The following UBAC2 variants were observed in gnomAD, a reference collection of about 807,000 sequenced individuals.
UBAC2 encodes the protein UBA domain containing 2.
In UBAC2, 26 loss-of-function variants were observed where a neutral mutation model predicts 44.0. The ratio of observed to expected loss-of-function variants is 0.59; its 90% CI spans 0.43 to 0.82. UBAC2 has a LOEUF of 0.82. Among genes scored for constraint, UBAC2 ranks in the 40% least tolerant of loss-of-function variants. UBAC2 has a pLI of 0.00. For synonymous variants in UBAC2, 155 were observed against 154.3 expected (o/e 1.00, Z -0.04); for missense variants, 329 against 419.4 (o/e 0.78, Z 1.88).
intron 2 of UBAC2, among the ~76,000 whole-genome samples, chr13:99,241,029 G>A (rs2043292903): frequency 6.6e-6 from 1 of 152,092 alleles, no homozygotes; most frequent in Admixed American, 6.5e-5. Flanking sequence ...GGAGGCCAAC[G>A]TTTGTGGATG....
At chr13:99,226,413 T>C (rs770585282) in intron 1 of UBAC2, among the ~76,000 whole-genome samples, 8 of 152,230 alleles carry the variant, frequency 5.3e-5, no homozygotes, top group Non-Finnish European at 8.8e-5. Flanking sequence ...TCCCTCTTCA[T>C]CTACACCTCC....
intron 8 of UBAC2, among the ~76,000 whole-genome samples, chr13:99,376,095 G>A (rs967901097): frequency 2.0e-5 from 3 of 151,454 alleles, no homozygotes; most frequent in Non-Finnish European, 2.9e-5. Flanking sequence ...TAAAAAATAA[G>A]GAAAGAGAAA....
intron 4 of UBAC2, chr13:99,254,912 G>T: frequency 6.2e-7 from 1 of 1,613,874 alleles, no homozygotes; most frequent in South Asian, 1.1e-5. Flanking sequence ...CTTAGTGACC[G>T]TAGACTACCA....
At chr13:99,249,047 CAG>C (rs1491517290) in intron 4 of UBAC2, among the ~76,000 whole-genome samples, 6 of 152,180 alleles carry the variant, frequency 3.9e-5, no homozygotes, top group African/African-American at 1.4e-4. Context: ...CTTTCAGATT[CAG>C]GGGGTACATG....
At chr13:99,379,200 G>A (rs1203960166) in intron 8 of UBAC2, among the ~76,000 whole-genome samples, 3 of 152,348 alleles carry the variant, frequency 2.0e-5, no homozygotes, top group East Asian at 3.9e-4. Flanking sequence ...TTACGCTTAT[G>A]CATGCCTGCT....
At chr13:99,370,201 C>T (rs1282654376) in intron 8 of UBAC2, among the ~76,000 whole-genome samples, 4 of 152,258 alleles carry the variant, frequency 2.6e-5, no homozygotes, top group East Asian at 1.9e-4. Context: ...TGAAGGAAAA[C>T]GGCACCATGA....
intron 4 of UBAC2, among the ~76,000 whole-genome samples, chr13:99,252,781 C>T (rs1294043869): frequency 6.6e-6 from 1 of 152,086 alleles, no homozygotes; most frequent in Non-Finnish European, 1.5e-5. Flanking sequence ...AAGTGATCTA[C>T]AATTAAATTA....
chr13:99,288,757 TCTGTTGCTGCCTAA>T (rs1467517446), intron 4 of UBAC2, among the ~76,000 whole-genome samples: 2 of 152,250 alleles, frequency 1.3e-5, no homozygotes, highest in Non-Finnish European at 2.9e-5. Context: ...GTATTAGTTA[TCTGTTGCTGCCTAA>T]CAAATTATGA....
At chr13:99,323,783 C>T (rs774859035) in intron 6 of UBAC2, among the ~76,000 whole-genome samples, 2 of 152,152 alleles carry the variant, frequency 1.3e-5, no homozygotes, top group Non-Finnish European at 2.9e-5. Flanking sequence ...GTGGCAATTG[C>T]AACTCAGGCC....
chr13:99,208,948 C>G (rs891266598), intron 1 of UBAC2, among the ~76,000 whole-genome samples: 2 of 152,238 alleles, frequency 1.3e-5, no homozygotes, highest in East Asian at 1.9e-4. Context: ...CTCCTCAGCA[C>G]CTAGGAACTT....
intron 7 of UBAC2, among the ~76,000 whole-genome samples, chr13:99,345,610 A>G (rs2044963413): frequency 6.6e-6 from 1 of 152,114 alleles, no homozygotes; most frequent in Admixed American, 6.6e-5. Flanking sequence ...GGCTCCCATG[A>G]GTCCCTCAAG....
intron 6 of UBAC2, among the ~76,000 whole-genome samples, chr13:99,323,915 G>A (rs1360434736): frequency 1.3e-5 from 2 of 152,150 alleles, no homozygotes; most frequent in African/African-American, 4.8e-5. Flanking sequence ...AATAAAGCTG[G>A]CAGATAGAAT....
intron 1 of UBAC2, among the ~76,000 whole-genome samples, chr13:99,232,791 A>T (rs967068276): frequency 2.0e-5 from 3 of 151,876 alleles, no homozygotes; most frequent in African/African-American, 4.8e-5. Context: ...CGAAAAAAAA[A>T]CCTGGCCGGT....
intron 4 of UBAC2, among the ~76,000 whole-genome samples, chr13:99,286,846 C>T (rs1387962663): frequency 1.3e-5 from 2 of 152,152 alleles, no homozygotes; most frequent in Non-Finnish European, 2.9e-5. Flanking sequence ...GTGGCCAGTG[C>T]GCGTCCCATT....
Position 99,238,415 on chromosome 13 carries a change from T to G in UBAC2, c.32-12T>G, listed in dbSNP as rs1391052008. 12 of 1,610,736 alleles carry G rather than the reference T, an allele frequency of 7.5e-6. No homozygotes were observed. Among genetic ancestry groups the G allele is most frequent in the Non-Finnish European group, 1.0e-5 (12 of 1,178,044 alleles). On this transcript the variant is annotated splice_polypyrimidine_tract_variant and intron_variant, in intron 1 of 8. Transcript: ENST00000403766. ...ACAATCATTCTGAAAGTGCTTTCCTTTTTCCCTCCAGACAAGGCGCCTCTG... is the reference window on the plus strand; with the variant it reads ...ACAATCATTCTGAAAGTGCTTTCCTGTTTCCCTCCAGACAAGGCGCCTCTG...
intron 7 of UBAC2, among the ~76,000 whole-genome samples, chr13:99,354,148 C>T (rs920418207): frequency 6.6e-6 from 1 of 152,240 alleles, no homozygotes; most frequent in Non-Finnish European, 1.5e-5. Context: ...CACGTGGACA[C>T]TGTCCACAAC....
chr13:99,324,260 T>C (rs1038608716), intron 6 of UBAC2, among the ~76,000 whole-genome samples: 1 of 152,240 alleles, frequency 6.6e-6, no homozygotes, highest in Non-Finnish European at 1.5e-5. Context: ...GCCCTCCCTA[T>C]AGGGCCTCTG....
intron 4 of UBAC2, among the ~76,000 whole-genome samples, chr13:99,252,351 C>T (rs959502421): frequency 6.6e-6 from 1 of 152,236 alleles, no homozygotes; most frequent in Non-Finnish European, 1.5e-5. Context: ...ACTTTATGTA[C>T]TCTTTGCCCT....
intron 4 of UBAC2, among the ~76,000 whole-genome samples, chr13:99,248,367 A>G (rs7333055): frequency 0.54 from 81,539 of 150,472 alleles, 24,064 homozygotes; most frequent in Non-Finnish European, 0.68. Context: ...GTGACTATAG[A>G]TGTGCCACCA....
Sources: allele counts gnomAD v4.1 joint callset (sites outside exome capture counted in the v4.1 genomes callset), GRCh38; gene constraint gnomAD v4.1.1; transcripts MANE v1.5; gene names NCBI Gene and HGNC (gene_info 2026-07-23, HGNC 2026-07-21).